RNF150: variants seen among roughly 807,000 people sequenced by gnomAD.
The protein encoded by RNF150 is ring finger protein 150.
Under a neutral mutation model 39.3 loss-of-function variants are expected in RNF150, and 24 were observed. The observed-to-expected ratio is 0.61, with a 90% CI of 0.44 to 0.86. RNF150 has a LOEUF of 0.86. RNF150 is among the 40% of genes least tolerant of loss of function. The pLI is 0.00. For synonymous variants in RNF150, 255 were observed against 227.3 expected, an observed-to-expected ratio of 1.12 and a Z score of -1.10; for missense variants, 502 against 587.8, an observed-to-expected ratio of 0.85 and a Z score of 1.51.
chr4:140,894,855 G>GT (rs1438188423), intron 6 of RNF150, among the ~76,000 whole-genome samples: 2 of 152,190 alleles, frequency 1.3e-5, no homozygotes, highest in African/African-American at 4.8e-5. Flanking sequence ...TGTCAATAAT[G>GT]TAAGTATGGT....
intron 6 of RNF150, among the ~76,000 whole-genome samples, chr4:140,899,974 C>CTCTCTCTCTGTGTGTG (rs1365683071): frequency 2.0e-4 from 14 of 69,218 alleles, no homozygotes; most frequent in African/African-American, 4.7e-4. Flanking sequence ...CTCTCTCTCT[C>CTCTCTCTCTGTGTGTG]TGTGTGTGTG....
In RNF150 at chr4:140,911,143, C is replaced by CTGT. The variant is rs751519325; in HGVS notation, c.1196_1198dup (p.Asn399dup). The CTGT allele has an allele frequency of 6.2e-7, 1 of 1,611,426 alleles. No individual in the cohort carries two copies. The highest frequency in any genetic ancestry group is 1.3e-5 in the African/African-American group (1 of 74,864). ...GTCACTTTAAGTATGGCAGAACTCA[C>CTGT]TGTTAGTAGTAAAGATGACGTCTCC... On this transcript the variant is annotated inframe_insertion and splice_region_variant. Transcript: ENST00000515673.
intron 1 of RNF150, among the ~76,000 whole-genome samples, chr4:140,970,736 G>C (rs1237046777): frequency 1.3e-5 from 2 of 152,108 alleles, no homozygotes; most frequent in Non-Finnish European, 2.9e-5. Context: ...TACACCACTT[G>C]TGTTGTCTGT....
At chr4:140,973,874 T>TA (rs566506401) in intron 1 of RNF150, among the ~76,000 whole-genome samples, 23,857 of 110,214 alleles carry the variant, frequency 0.22, 2,632 homozygotes, top group Middle Eastern at 0.29. Flanking sequence ...AGACTCTGTT[T>TA]AAAAAAAAAA....
rs150970359 is a variant in RNF150 at position 141,107,448 on chromosome 4, G to C, written c.484+24877C>G. 7.2e-3 allele frequency among the ~76,000 whole-genome samples: 1,097 copies of C among 152,304 alleles called. 16 individuals carry two copies. Among genetic ancestry groups the C allele is most frequent in the African/African-American group, 0.024 (1,016 of 41,568 alleles). ...TTGTTCAAGGTAGCAAAGCTATTAT[G>C]AGGCCAAGCTGTGATTTGTGTCTGG... On this transcript the variant is annotated intron_variant, in intron 1 of 6. Coordinates refer to ENST00000515673, the MANE Select transcript of RNF150 (RefSeq NM_020724.2).
intron 1 of RNF150, among the ~76,000 whole-genome samples, chr4:141,051,070 C>T (rs1165229730): frequency 6.6e-6 from 1 of 152,196 alleles, no homozygotes; most frequent in Non-Finnish European, 1.5e-5. Context: ...CACCCACAGG[C>T]TCAGCACCAC....
intron 1 of RNF150, among the ~76,000 whole-genome samples, chr4:141,172,348 C>T (rs1177054534): frequency 1.3e-5 from 2 of 152,112 alleles, no homozygotes; most frequent in African/African-American, 2.4e-5. Context: ...CAAAGGAAGG[C>T]GCACAGCTAA....
At chr4:141,060,398 G>GC in intron 1 of RNF150, among the ~76,000 whole-genome samples, 1 of 152,220 alleles carries the variant, frequency 6.6e-6, no homozygotes, top group African/African-American at 2.4e-5. Context: ...CCATGGCTGA[G>GC]CCACTGCATT....
At chr4:141,194,580 A>T (rs1026564838) in intron 1 of RNF150, among the ~76,000 whole-genome samples, 1 of 151,326 alleles carries the variant, frequency 6.6e-6, no homozygotes, top group Non-Finnish European at 1.5e-5. Context: ...TGCCTATTAC[A>T]GTGTTACAAC....
At chr4:140,870,996 C>CTA (rs1560941168) in intron 6 of RNF150, among the ~76,000 whole-genome samples, 5 of 143,390 alleles carry the variant, frequency 3.5e-5, no homozygotes, top group African/African-American at 1.3e-4. Flanking sequence ...CTCTCTCTCT[C>CTA]TCTCTCTATA....
At chr4:141,185,372 T>C (rs1727986185) in intron 1 of RNF150, among the ~76,000 whole-genome samples, 2 of 152,224 alleles carry the variant, frequency 1.3e-5, no homozygotes, top group Admixed American at 1.3e-4. Context: ...TTTTTGCACA[T>C]TGATTTTGTA....
At chr4:140,956,645 C>T (rs1176811764) in intron 2 of RNF150, among the ~76,000 whole-genome samples, 26 of 152,176 alleles carry the variant, frequency 1.7e-4, no homozygotes, top group Admixed American at 1.5e-3. Context: ...CACTACCTGA[C>T]TTCAAACTAT....
At chr4:141,005,098 G>C (rs1019397976) in intron 1 of RNF150, among the ~76,000 whole-genome samples, 1 of 152,140 alleles carries the variant, frequency 6.6e-6, no homozygotes, top group East Asian at 1.9e-4. Context: ...AGCGGTTGTT[G>C]TCAAGTATGA....
chr4:140,988,875 C>T (rs544819100), intron 1 of RNF150, among the ~76,000 whole-genome samples: 54 of 152,182 alleles, frequency 3.5e-4, no homozygotes, highest in Non-Finnish European at 5.0e-4. Context: ...AAGCTGGAAA[C>T]CATCATTCTC....
chr4:141,098,003 C>T (rs1738864717), intron 1 of RNF150, among the ~76,000 whole-genome samples: 1 of 152,022 alleles, frequency 6.6e-6, no homozygotes, highest in South Asian at 2.1e-4. Flanking sequence ...TATGAAAATC[C>T]CTTGTAGATG....
At chr4:141,125,332 C>T (rs1726720995) in intron 1 of RNF150, among the ~76,000 whole-genome samples, 1 of 152,156 alleles carries the variant, frequency 6.6e-6, no homozygotes, top group Non-Finnish European at 1.5e-5. Context: ...CAGCACAACG[C>T]TGCCTTGTTT....
intron 4 of RNF150, among the ~76,000 whole-genome samples, chr4:140,933,443 CT>C (rs1222492305): frequency 6.6e-6 from 1 of 152,170 alleles, no homozygotes; most frequent in African/African-American, 2.4e-5. Context: ...GAAATGCTCA[CT>C]GCAGCATTCT....
At chr4:141,156,424 G>A (rs947652704) in intron 1 of RNF150, among the ~76,000 whole-genome samples, 1 of 151,994 alleles carries the variant, frequency 6.6e-6, no homozygotes, top group Non-Finnish European at 1.5e-5. Flanking sequence ...GGGACTACAG[G>A]CATGTGCCAC....
At chr4:141,197,957 T>G (rs1728229335) in intron 1 of RNF150, among the ~76,000 whole-genome samples, 1 of 152,016 alleles carries the variant, frequency 6.6e-6, no homozygotes, top group African/African-American at 2.4e-5. Flanking sequence ...TAGTTAAATA[T>G]TTATTTTATC....
Sources: allele counts gnomAD v4.1 joint callset (sites outside exome capture counted in the v4.1 genomes callset), GRCh38; gene constraint gnomAD v4.1.1; transcripts MANE v1.5; gene names NCBI Gene and HGNC (gene_info 2026-07-23, HGNC 2026-07-21).